The following DROSHA variants were observed in gnomAD, a reference collection of about 807,000 sequenced individuals.
DROSHA encodes the protein drosha ribonuclease III.
In DROSHA, 56 loss-of-function variants were observed where a neutral mutation model predicts 181.9. That is an observed-to-expected ratio of 0.31 (90% CI 0.25 to 0.38). DROSHA has a LOEUF of 0.38. Among genes scored for constraint, DROSHA ranks in the 10% least tolerant of loss-of-function variants. The probability of loss-of-function intolerance (pLI) is 1.00; values close to 1 mark genes in which losing one functional copy is unlikely to be tolerated. For synonymous variants in DROSHA, 524 were observed against 591.2 expected, an observed-to-expected ratio of 0.89 and a Z score of 1.65; for missense variants, 1,218 against 1,743.5, an observed-to-expected ratio of 0.70 and a Z score of 5.37.
chr5:31,504,449 G>A, intron 11 of DROSHA, 106 bp downstream of exon 11: 1 of 1,263,648 alleles, frequency 7.9e-7, no homozygotes, highest in South Asian at 1.4e-5. Flanking sequence ...GGAATATGAA[G>A]AGAATTTTGA....
At chr5:31,424,364 A>G in intron 28 of DROSHA, 63 bp downstream of exon 28, 3 of 1,551,468 alleles carry the variant, frequency 1.9e-6, no homozygotes, top group Non-Finnish European at 2.6e-6. Context: ...AAAAAAGGCA[A>G]AGGAAAGTAA....
At chr5:31,490,004 T>C (rs1752213745) in intron 13 of DROSHA, among the ~76,000 whole-genome samples, 1 of 151,914 alleles carries the variant, frequency 6.6e-6, no homozygotes, top group South Asian at 2.1e-4. Flanking sequence ...GCCTCCCGAG[T>C]AGCTGGGATT....
At chr5:31,404,057 ATAAGT>A (rs1740358205) in intron 35 of DROSHA, among the ~76,000 whole-genome samples, 1 of 150,966 alleles carries the variant, frequency 6.6e-6, no homozygotes, top group South Asian at 2.1e-4. Flanking sequence ...AGCTAGCACT[ATAAGT>A]GCATGCCACC....
chr5:31,451,534 T>G lies in DROSHA; in HGVS notation c.2681A>C (p.Gln894Pro). 1 of 1,608,006 alleles carries G rather than the reference T, an allele frequency of 6.2e-7. No homozygotes were observed. Among genetic ancestry groups the G allele is most frequent in the Non-Finnish European group, 8.5e-7 (1 of 1,176,666 alleles). The change falls in exon 21 of 36, where the codon CAG (glutamine) becomes CCG (proline). Residue 894 changes from glutamine (Q) to proline (P), a missense_variant and splice_region_variant. This residue lies in a region of DROSHA where 460 missense variants were observed against 774.2 expected (regional missense o/e 0.59). Transcript: ENST00000344624. ...GYTFQDRCLL[Q>P]LAMTHPSHHL... Reference sequence around the variant, plus strand: ...AGTTTACAGGAGAATAATTCTTACCTGCAACAGACAACGATCTTGGAAAGT... The same window carrying G: ...AGTTTACAGGAGAATAATTCTTACCGGCAACAGACAACGATCTTGGAAAGT...
intron 34 of DROSHA, 25 bp from the exon 35 acceptor site, chr5:31,405,748 A>T: frequency 1.7e-5 from 23 of 1,377,752 alleles, no homozygotes; most frequent in Non-Finnish European, 2.0e-5. Context: ...AAAGTAAGAC[A>T]TACTTTAATT....
intron 27 of DROSHA, among the ~76,000 whole-genome samples, chr5:31,425,207 T>G (rs1043671346): frequency 1.3e-5 from 2 of 152,192 alleles, no homozygotes; most frequent in Admixed American, 1.3e-4. Context: ...GAAAAAATAT[T>G]TAAGTTTTTT....
rs763572457 is a variant in DROSHA at position 31,511,162 on chromosome 5, C to T, written c.1305G>A (p.Val435=). Residue 435 remains valine (V), a synonymous_variant, in exon 9 of 36, where the codon GTG becomes GTA. Transcript: ENST00000344624. ...DPMDQVGDST[V]VGTSRLRDLY... is the part of the protein sequence containing the mutation. ...AGTCACGAAGCCTACTCGTTCCAAC[C>T]ACTGTAGAATCTCCCTTTTAAAAAT... The T allele has an allele frequency of 8.7e-6, 14 of 1,613,644 alleles. No homozygotes were observed. The highest frequency in any genetic ancestry group is 1.0e-5 in the Non-Finnish European group (12 of 1,179,794).
intron 10 of DROSHA, among the ~76,000 whole-genome samples, chr5:31,508,089 G>C (rs1429014194): frequency 1.3e-5 from 2 of 151,996 alleles, no homozygotes; most frequent in Non-Finnish European, 2.9e-5. Flanking sequence ...ATATCTGTGT[G>C]ACACAAATCT....
At chr5:31,531,723 A>C (rs1741424264) in intron 1 of DROSHA, among the ~76,000 whole-genome samples, 198 bp from the exon 2 acceptor site, 1 of 151,992 alleles carries the variant, frequency 6.6e-6, no homozygotes, top group Admixed American at 6.5e-5. Flanking sequence ...TGAGCTCAGG[A>C]TCTCACTCCC....
chr5:31,440,198 C>A (rs1420109485), intron 23 of DROSHA, among the ~76,000 whole-genome samples: 1 of 152,160 alleles, frequency 6.6e-6, no homozygotes, highest in African/African-American at 2.4e-5. Flanking sequence ...GGAGGCCGAC[C>A]CTAAGTACTG....
chr5:31,484,147 G>A (rs1032552157), intron 15 of DROSHA, among the ~76,000 whole-genome samples: 5 of 152,000 alleles, frequency 3.3e-5, no homozygotes, highest in African/African-American at 9.7e-5. Flanking sequence ...CGAGGCAGGC[G>A]GATCACGAGG....
chr5:31,425,882 A>T (rs898080058), intron 27 of DROSHA, among the ~76,000 whole-genome samples: 2 of 152,032 alleles, frequency 1.3e-5, no homozygotes, highest in Non-Finnish European at 2.9e-5. Flanking sequence ...TGTAGGACCT[A>T]CTCAAGCTGT....
At chr5:31,436,739 GAAACAC>G (rs1166565423) in intron 24 of DROSHA, among the ~76,000 whole-genome samples, 2 of 108,180 alleles carry the variant, frequency 1.8e-5, no homozygotes, top group African/African-American at 6.9e-5. Context: ...CTTCTGGAGA[GAAACAC>G]ACACACACAC....
chr5:31,519,008 T>C (rs1739576655), intron 6 of DROSHA, among the ~76,000 whole-genome samples: 1 of 152,162 alleles, frequency 6.6e-6, no homozygotes, highest in Non-Finnish European at 1.5e-5. Flanking sequence ...TTTAGGTAAG[T>C]GTCTCAGGCA....
chr5:31,509,876 G>A (rs1311803884), intron 9 of DROSHA, among the ~76,000 whole-genome samples: 6 of 152,076 alleles, frequency 3.9e-5, no homozygotes, highest in Non-Finnish European at 8.8e-5. Flanking sequence ...ATAAGGGAAC[G>A]GGGGAACTGG....
intron 16 of DROSHA, among the ~76,000 whole-genome samples, chr5:31,480,201 T>C (rs1201997773): frequency 7.6e-6 from 1 of 130,788 alleles, no homozygotes; most frequent in Admixed American, 7.9e-5. Context: ...TATATATATA[T>C]ATACTGAAAA....
Position 31,418,934 on chromosome 5 carries a change from A to C in DROSHA, c.3525+2338T>G, listed in dbSNP as rs1043205017. ...ACTCAGAAGGGAGACAGGACTGAAG[A>C]GATCAGTTTAGAAGTCATCTGCCGG... is the stretch of plus-strand genomic sequence containing the variant. On this transcript the variant is annotated intron_variant, in intron 30 of 35. Coordinates refer to ENST00000344624, the MANE Select transcript of DROSHA (RefSeq NM_001382508.1). 6.6e-5 allele frequency among the ~76,000 whole-genome samples: 10 copies of C among 152,332 alleles called. No individual in the cohort carries two copies. In the East Asian group the frequency reaches 1.9e-3, roughly 29 times the overall value.
At position 31,468,067 on chromosome 5, in the gene DROSHA, G is replaced by A. The variant is rs961041571; in HGVS notation, c.2242-4C>T. 18 of 1,608,044 alleles carry A rather than the reference G, an allele frequency of 1.1e-5. No individual in the cohort carries two copies. In the African/African-American group the frequency reaches 2.4e-4, roughly 21 times the overall value. ...CGATACGGACAGAGCTTGGTTTCTA[G>A]AGAGAAAAATCAAAGCCATTTATTC... On this transcript the variant is annotated splice_polypyrimidine_tract_variant and splice_region_variant and intron_variant, in intron 17 of 35. Coordinates refer to ENST00000344624, the MANE Select transcript of DROSHA (RefSeq NM_001382508.1).
At chr5:31,413,474 A>G (rs1400191293) in intron 30 of DROSHA, among the ~76,000 whole-genome samples, 3 of 152,220 alleles carry the variant, frequency 2.0e-5, no homozygotes, top group Non-Finnish European at 2.9e-5. Flanking sequence ...CTACTTCATA[A>G]TGAATCATGT....
Sources: gnomAD v4.1 joint callset for allele counts (sites outside exome capture counted in the v4.1 genomes callset) on GRCh38, gnomAD v4.1.1 for gene constraint, gnomAD v4.1.1 regional missense constraint, MANE v1.5 for transcripts, NCBI Gene and HGNC (gene_info 2026-07-23, HGNC 2026-07-21) for gene names.